The following CSMD1 variants were observed in gnomAD, a reference collection of about 807,000 sequenced individuals.
CSMD1 encodes the protein CUB and sushi domain-containing protein 1.
A neutral mutation model predicts 417.5 loss-of-function variants in CSMD1; 213 were observed. The observed-to-expected ratio is 0.51, with a 90% CI of 0.46 to 0.57. The LOEUF (loss-of-function observed/expected upper bound fraction) is 0.57. Among genes scored for constraint, CSMD1 ranks in the 20% least tolerant of loss-of-function variants. The pLI, the probability that CSMD1 is intolerant of heterozygous loss-of-function variation, is 0.00. For missense variants in CSMD1, 6,923 were observed against 4,529.7 expected (o/e 1.53, Z -15.17); for synonymous variants, 2,862 against 1,736.8 (o/e 1.65, Z -16.11).
chr8:4,625,943 C>T (rs537457938), intron 2 of CSMD1, among the ~76,000 whole-genome samples: 1 of 152,192 alleles, frequency 6.6e-6, no homozygotes, highest in East Asian at 1.9e-4. Context: ...AGGCTGGTCT[C>T]GAACTCCTGA....
At chr8:3,820,628 C>T (rs984676407) in intron 5 of CSMD1, among the ~76,000 whole-genome samples, 5 of 152,108 alleles carry the variant, frequency 3.3e-5, no homozygotes, top group Admixed American at 1.3e-4. Flanking sequence ...CAAGTTGGAG[C>T]GTAGTGGCGT....
chr8:3,863,458 T>C (rs1008122186), intron 5 of CSMD1, among the ~76,000 whole-genome samples: 2 of 151,168 alleles, frequency 1.3e-5, no homozygotes, highest in Non-Finnish European at 2.9e-5. Flanking sequence ...TGACTTAGTC[T>C]CTTCCCAATG....
At chr8:3,614,069 T>C (rs762692716) in intron 8 of CSMD1, among the ~76,000 whole-genome samples, 2 of 152,158 alleles carry the variant, frequency 1.3e-5, no homozygotes, top group African/African-American at 2.4e-5. Flanking sequence ...CTGTTATGTA[T>C]ATATTCGTAT....
Position 3,678,522 on chromosome 8 carries a change from A to T in CSMD1, c.1009+29892T>A, listed in dbSNP as rs185224981. Among the ~76,000 whole-genome samples the T allele has an allele frequency of 2.0e-3, 303 of 152,292 alleles. 2 individuals carry two copies. Among genetic ancestry groups the T allele is most frequent in the East Asian group, 9.7e-3 (50 of 5,164 alleles). ...AAAAGAAATGAACAAAGCCTCCAAG[A>T]AATATGGGACTATGTGAAAAGACCA... On this transcript the variant is annotated intron_variant, in intron 7 of 69. Transcript: ENST00000635120.
At chr8:4,287,593 G>C (rs1482748604) in intron 3 of CSMD1, among the ~76,000 whole-genome samples, 1 of 151,920 alleles carries the variant, frequency 6.6e-6, no homozygotes, top group Non-Finnish European at 1.5e-5. Context: ...TTACCTTCCA[G>C]GGACCAGGTT....
chr8:2,950,209 C>A (rs367746075), intron 67 of CSMD1, 22 bp downstream of exon 67: 267 of 1,436,222 alleles, frequency 1.9e-4, no homozygotes, highest in Non-Finnish European at 2.6e-4. Context: ...TGCTTTGTCA[C>A]AGACCTTACA....
chr8:4,165,321 T>C (rs187909772), intron 3 of CSMD1, among the ~76,000 whole-genome samples: 73 of 152,364 alleles, frequency 4.8e-4, no homozygotes, highest in Admixed American at 1.1e-3. Context: ...ATCTCAGCTG[T>C]AGAAGCGCAA....
chr8:3,342,122 T>C (rs1296269297), intron 23 of CSMD1, among the ~76,000 whole-genome samples: 1 of 152,236 alleles, frequency 6.6e-6, no homozygotes, highest in Non-Finnish European at 1.5e-5. Flanking sequence ...TACTCAGTCT[T>C]TTCAATGGTA....
intron 7 of CSMD1, among the ~76,000 whole-genome samples, chr8:3,674,300 A>T (rs934301397): frequency 1.3e-5 from 2 of 152,176 alleles, no homozygotes; most frequent in East Asian, 3.9e-4. Context: ...AATCACCCAA[A>T]ATACCACATT....
At chr8:4,302,090 A>ATAGT (rs1254268804) in intron 3 of CSMD1, among the ~76,000 whole-genome samples, 2 of 152,218 alleles carry the variant, frequency 1.3e-5, no homozygotes, top group Non-Finnish European at 2.9e-5. Context: ...GACCCCTTGT[A>ATAGT]TAGTTCATCA....
chr8:4,340,677 G>T (rs770851313), intron 3 of CSMD1, among the ~76,000 whole-genome samples: 1 of 152,020 alleles, frequency 6.6e-6, no homozygotes, highest in Non-Finnish European at 1.5e-5. Flanking sequence ...TAGAGAGTAG[G>T]CTGGAGTTTA....
At chr8:3,510,415 G>A (rs1274489720) in intron 10 of CSMD1, among the ~76,000 whole-genome samples, 1 of 151,796 alleles carries the variant, frequency 6.6e-6, no homozygotes, top group African/African-American at 2.4e-5. Flanking sequence ...AGGCTCTGTT[G>A]CTGATTTGGC....
At chr8:3,293,161 T>C (rs1041183983) in intron 25 of CSMD1, among the ~76,000 whole-genome samples, 2 of 152,202 alleles carry the variant, frequency 1.3e-5, no homozygotes, top group African/African-American at 4.8e-5. Context: ...GCCCCCACTC[T>C]CTTCTGGCTT....
intron 7 of CSMD1, among the ~76,000 whole-genome samples, chr8:3,668,354 G>C (rs1798812551): frequency 6.6e-6 from 1 of 152,160 alleles, no homozygotes; most frequent in African/African-American, 2.4e-5. Context: ...GGCTGTGCAT[G>C]ACGGATGGAG....
chr8:4,302,506 G>C (rs576041699), intron 3 of CSMD1, among the ~76,000 whole-genome samples: 1 of 152,122 alleles, frequency 6.6e-6, no homozygotes, highest in Non-Finnish European at 1.5e-5. Flanking sequence ...GACCACAGTA[G>C]CGTGCTTGCA....
chr8:4,949,324 G>C (rs1808580740), intron 1 of CSMD1, among the ~76,000 whole-genome samples: 1 of 151,948 alleles, frequency 6.6e-6, no homozygotes, highest in Admixed American at 6.6e-5. Context: ...AGTTATTTTG[G>C]CCTCATTAAC....
In CSMD1 at chr8:4,859,114, T is replaced by C. The variant is rs554864271; in HGVS notation, c.85+135218A>G. Among the ~76,000 whole-genome samples, 5 of 152,194 alleles carry C rather than the reference T, an allele frequency of 3.3e-5. No individual in the cohort carries two copies. The South Asian group carries it at 1.0e-3, about 32-fold the overall frequency. Reference sequence around the variant, plus strand: ...CAGAGCCCTCAGAAATAATGTCACATATCTGCAACTATCTGATCTTTGACA... The same window carrying C: ...CAGAGCCCTCAGAAATAATGTCACACATCTGCAACTATCTGATCTTTGACA... On this transcript the variant is annotated intron_variant, in intron 1 of 69. Transcript: ENST00000635120.
At chr8:3,665,460 C>T (rs1364310803) in intron 7 of CSMD1, among the ~76,000 whole-genome samples, 1 of 152,082 alleles carries the variant, frequency 6.6e-6, no homozygotes, top group Admixed American at 6.6e-5. Context: ...ACCCGGGAGA[C>T]GGAGGTTGCA....
At chr8:4,935,668 G>C (rs1305992145) in intron 1 of CSMD1, among the ~76,000 whole-genome samples, 1 of 152,186 alleles carries the variant, frequency 6.6e-6, no homozygotes, top group East Asian at 1.9e-4. Context: ...TGTAACTAAA[G>C]AAACGAGTTT....
Sources: allele counts gnomAD v4.1 joint callset (sites outside exome capture counted in the v4.1 genomes callset), GRCh38; gene constraint gnomAD v4.1.1; transcripts MANE v1.5; gene names NCBI Gene and HGNC (gene_info 2026-07-23, HGNC 2026-07-21).